Variants in PCM1 observed in about 807,000 individuals in gnomAD.
The protein encoded by PCM1 is pericentriolar material 1 protein.
Under a neutral mutation model 241.9 loss-of-function variants are expected in PCM1, and 157 were observed. The observed-to-expected ratio is 0.65, with a 90% CI of 0.57 to 0.74. PCM1 has a LOEUF of 0.74. Among genes scored for constraint, PCM1 ranks in the 30% least tolerant of loss-of-function variants. The pLI, the probability that PCM1 is intolerant of heterozygous loss-of-function variation, is 0.00. For synonymous variants in PCM1, 1,085 were observed against 784.9 expected (o/e 1.38, Z -6.39); for missense variants, 3,478 against 2,360.1 (o/e 1.47, Z -9.81).
chr8:17,989,781 CTTAG>C lies in PCM1; in HGVS notation c.4411-74_4411-71del, dbSNP rs1187601168. On this transcript the variant is annotated intron_variant, in intron 26 of 38. Transcript: ENST00000325083. ...TTAAGTGTACAATTTTATGTAAATACTTAGTTATCTCTGTTAGATTATTAATATG... is the reference window on the plus strand; with the variant it reads ...TTAAGTGTACAATTTTATGTAAATACTTATCTCTGTTAGATTATTAATATG... The C allele has an allele frequency of 4.1e-6, 4 of 979,472 alleles. No individual in the cohort carries two copies. The Admixed American group carries it at 8.1e-5, about 20-fold the overall frequency. The allele number at this position is 979,472 out of a possible 1,614,324, so 60.7% of individuals were successfully genotyped here. A position where few individuals can be genotyped will look rare whatever the true frequency, so the allele number is the denominator to read the frequency against.
intron 28 of PCM1, 111 bp downstream of exon 28, chr8:17,991,811 G>A (rs1277749058): frequency 1.4e-6 from 1 of 714,528 alleles, no homozygotes; most frequent in East Asian, 2.7e-5. Context: ...CGCCTGAGCA[G>A]TATACACTGT....
At chr8:17,982,887 G>A (rs1266027944) in intron 24 of PCM1, among the ~76,000 whole-genome samples, 1 of 152,144 alleles carries the variant, frequency 6.6e-6, no homozygotes, top group Non-Finnish European at 1.5e-5. Context: ...CATAACATAT[G>A]ATTATTAGAG....
At position 17,989,868 on chromosome 8, in the gene PCM1, GAGA is replaced by G. The variant is rs2083916887; in HGVS notation, c.4425_4427del (p.Lys1475del). The stretch of plus-strand genomic sequence containing the variant: ...TTTTACTGTAACTTAGGAAACTTTT[GAGA>G]AGAACTTTGAAAGAGAAACCCATAA... On this transcript the variant is annotated inframe_deletion, in exon 27 of 39. Coordinates refer to ENST00000325083, the MANE Select transcript of PCM1 (RefSeq NM_006197.4). The G allele has an allele frequency of 4.5e-6, 7 of 1,538,800 alleles. No homozygotes were observed. In the East Asian group the frequency reaches 9.8e-5, roughly 22 times the overall value.
chr8:17,996,427 T>G (rs1011201653), intron 29 of PCM1, among the ~76,000 whole-genome samples: 2 of 152,204 alleles, frequency 1.3e-5, no homozygotes, highest in Non-Finnish European at 2.9e-5. Context: ...TGTTGTTGAA[T>G]TCCGAGGTAT....
In PCM1 at chr8:17,955,582, T is replaced by C. The variant is rs1220633629; in HGVS notation, c.1401T>C (p.Tyr467=). The C allele has an allele frequency of 6.2e-7, 1 of 1,613,790 alleles. No individual in the cohort carries two copies. The highest frequency in any genetic ancestry group is 1.3e-5 in the African/African-American group (1 of 75,060). The change falls in exon 10 of 39, where the codon TAT becomes TAC. Residue 467 remains tyrosine (Y), a synonymous_variant. Coordinates refer to ENST00000325083, the MANE Select transcript of PCM1 (RefSeq NM_006197.4). ...ATAGCCTCACATCATCTGTTCCTTA[T>C]CCTACTGCTTCTCTAGTATCTCAGA... The part of the protein sequence containing the change: ...ESNSLTSSVP[Y]PTASLVSQNE...
chr8:17,948,622 GTAA>G (rs372248322), intron 7 of PCM1, among the ~76,000 whole-genome samples: 11 of 151,958 alleles, frequency 7.2e-5, no homozygotes, highest in African/African-American at 2.7e-4. Flanking sequence ...CTCTTTTGTA[GTAA>G]TGATATAGCT....
intron 23 of PCM1, among the ~76,000 whole-genome samples, chr8:17,978,112 A>T (rs562899053): frequency 6.6e-6 from 1 of 152,216 alleles, no homozygotes; most frequent in Non-Finnish European, 1.5e-5. Context: ...GAAAAAAATG[A>T]CATTAAGTTT....
At chr8:17,979,161 G>A (rs1315468142) in intron 23 of PCM1, among the ~76,000 whole-genome samples, 2 of 151,582 alleles carry the variant, frequency 1.3e-5, no homozygotes, top group Non-Finnish European at 2.9e-5. Context: ...AGTTATTTGA[G>A]TGTAATAAAG....
chr8:17,932,277 T>G (rs927456913), intron 2 of PCM1, among the ~76,000 whole-genome samples: 1 of 152,144 alleles, frequency 6.6e-6, no homozygotes, highest in Non-Finnish European at 1.5e-5. Context: ...TATTTAAGGT[T>G]GTTTTCTTAG....
intron 7 of PCM1, among the ~76,000 whole-genome samples, chr8:17,947,586 C>T (rs1369172080): frequency 6.6e-6 from 1 of 152,182 alleles, no homozygotes; most frequent in Non-Finnish European, 1.5e-5. Context: ...GATCTCTCTC[C>T]TTTTCATCAG....
chr8:18,014,109 A>AG, intron 35 of PCM1, 73 bp downstream of exon 35: 1 of 824,154 alleles, frequency 1.2e-6, no homozygotes. Flanking sequence ...AAAAAAAAAA[A>AG]AACACACACA....
chr8:18,010,543 A>G lies in PCM1; in HGVS notation c.5161-66A>G, dbSNP rs183484875. On this transcript the variant is annotated intron_variant, in intron 31 of 38. Transcript: ENST00000325083. ...TCCCAGTACTTTGGGAGGCTGAGAC[A>G]TGAGAAATGCTAAATTATGTATCTA... 85 of 1,213,020 alleles carry G rather than the reference A, an allele frequency of 7.0e-5. No individual in the cohort carries two copies. The East Asian group carries it at 1.7e-3, about 25-fold the overall frequency. 75.1% of individuals were successfully genotyped at this position (1,213,020 alleles called of 1,614,324 possible). A position where few individuals can be genotyped will look rare whatever the true frequency, so the allele number is the denominator to read the frequency against.
intron 29 of PCM1, 44 bp downstream of exon 29, chr8:17,993,663 G>GT (rs747324564): frequency 6.7e-7 from 1 of 1,503,352 alleles, no homozygotes; most frequent in South Asian, 1.3e-5. Flanking sequence ...TCTATGTTTT[G>GT]TTTTTTAATT....
intron 31 of PCM1, 59 bp from the exon 32 acceptor site, chr8:18,010,550 A>G (rs2092329010): frequency 2.3e-6 from 3 of 1,287,024 alleles, no homozygotes; most frequent in Non-Finnish European, 3.3e-6. Flanking sequence ...GACATGAGAA[A>G]TGCTAAATTA....
intron 23 of PCM1, among the ~76,000 whole-genome samples, chr8:17,977,351 T>C (rs2079127476): frequency 6.6e-6 from 1 of 152,082 alleles, no homozygotes; most frequent in South Asian, 2.1e-4. Context: ...GAACCTAAAG[T>C]TGAGATGATG....
rs201607085 is a variant in PCM1, at chr8:17,957,378, A to G, written c.1761A>G (p.Arg587=). The change falls in exon 12 of 39, where the codon AGA becomes AGG. Residue 587 remains arginine (R), a synonymous_variant. Coordinates refer to ENST00000325083, the MANE Select transcript of PCM1 (RefSeq NM_006197.4). ...TVNSNCEINN[R]SAANIRALNM... ...ATTCTAATTGTGAAATTAACAACAGATCTGCTGCCAACATAAGGGCTCTAA... is the reference window on the plus strand; with the variant it reads ...ATTCTAATTGTGAAATTAACAACAGGTCTGCTGCCAACATAAGGGCTCTAA... 6.2e-7 allele frequency: 1 copy of G among 1,612,618 alleles called. No homozygotes were observed. The highest frequency in any genetic ancestry group is 2.2e-5 in the East Asian group (1 of 44,856).
chr8:17,944,288 A>G (rs1029997035), intron 6 of PCM1, among the ~76,000 whole-genome samples: 16 of 152,192 alleles, frequency 1.1e-4, no homozygotes, highest in African/African-American at 3.9e-4. Context: ...AAAGAAGACT[A>G]GAGCCTAAGA....
intron 2 of PCM1, among the ~76,000 whole-genome samples, chr8:17,928,673 C>T (rs1207042849): frequency 5.1e-5 from 7 of 138,234 alleles, no homozygotes; most frequent in African/African-American, 1.4e-4. Context: ...TCTCTTGTTG[C>T]CCAGGCTGAG....
chr8:17,978,050 AAAT>A (rs566603520), intron 23 of PCM1, among the ~76,000 whole-genome samples: 161 of 152,334 alleles, frequency 1.1e-3, no homozygotes, highest in African/African-American at 3.8e-3. Flanking sequence ...CACTTGAACA[AAAT>A]AATAAGGGCA....
Sources: allele counts gnomAD v4.1 joint callset (sites outside exome capture counted in the v4.1 genomes callset), GRCh38; gene constraint gnomAD v4.1.1; transcripts MANE v1.5; gene names NCBI Gene and HGNC (gene_info 2026-07-23, HGNC 2026-07-21).